The following SP3 variants were observed in gnomAD, a reference collection of about 807,000 sequenced individuals.
SP3 encodes the protein Sp3 transcription factor, also known as transcription factor Sp3.
A neutral mutation model predicts 70.3 loss-of-function variants in SP3; 10 were observed. That is an observed-to-expected ratio of 0.14 (90% confidence interval 0.09 to 0.24). SP3 has a LOEUF of 0.24. SP3 is among the 10% of genes least tolerant of loss of function. The probability of loss-of-function intolerance (pLI) is 1.00; values close to 1 mark genes in which losing one functional copy is unlikely to be tolerated. For missense variants in SP3, 825 were observed against 914.6 expected (o/e 0.90, Z 1.26); for synonymous variants, 402 against 333.5 (o/e 1.21, Z -2.24).
At chr2:173,964,362 C>A (rs1465463778) in intron 2 of SP3, 43 bp downstream of exon 2, 5 of 652,826 alleles carry the variant, frequency 7.7e-6, no homozygotes, top group African/African-American at 2.0e-5. Flanking sequence ...GAGGAGAAAG[C>A]GGCGCGAGGG....
chr2:173,964,372 G>T (rs765706027), intron 2 of SP3, 33 bp downstream of exon 2: 7 of 676,774 alleles, frequency 1.0e-5, no homozygotes, highest in Non-Finnish European at 1.6e-5. Context: ...CGGCGCGAGG[G>T]GGGAGCCGGG....
In SP3 at chr2:173,946,242, A is replaced by T. The variant is rs144657776; in HGVS notation, c.1639+8631T>A. Among the ~76,000 whole-genome samples the T allele has an allele frequency of 3.2e-3, 488 of 152,234 alleles. 2 individuals are homozygous for T. Among genetic ancestry groups the T allele is most frequent in the African/African-American group, 0.011 (456 of 41,558 alleles). On this transcript the variant is annotated intron_variant, in intron 4 of 6. Transcript: ENST00000310015. ...ATTGCTAAAGCTGGGAAAGGGGTAC[A>T]TGGAAGGTTCATTATATATTGTTTT...
chr2:173,936,583 T>C (rs1690217036), intron 4 of SP3, among the ~76,000 whole-genome samples: 1 of 152,174 alleles, frequency 6.6e-6, no homozygotes, highest in Non-Finnish European at 1.5e-5. Flanking sequence ...TTTCCCAAAG[T>C]AGTTCCTCAC....
intron 4 of SP3, among the ~76,000 whole-genome samples, chr2:173,936,320 C>T (rs1395474878): frequency 2.6e-5 from 4 of 152,046 alleles, no homozygotes; most frequent in African/African-American, 7.2e-5. Flanking sequence ...TGCCTGGCCC[C>T]GCTCCTACCT....
rs1690874351 is a variant in SP3 at position 173,955,926 on chromosome 2, C to T, written c.586G>A (p.Gly196Ser). 2 of 1,614,090 alleles carry T rather than the reference C, an allele frequency of 1.2e-6. No individual in the cohort carries two copies. The highest frequency in any genetic ancestry group is 1.7e-5 in the Admixed American group (1 of 60,006). ...IGFTGSSDNG[G>S]INQESSQIQI... ...ATTTGACTGCTTTCTTGATTTATAC[C>T]CCCATTATCTGAAGAGCCTGTGAAA... Residue 196 changes from glycine (G) to serine (S), a missense_variant, in exon 4 of 7, where the codon GGT becomes AGT. Physicochemically the swap from Gly to Ser is moderately conservative, Grantham distance 56 (BLOSUM62 0). This residue lies in a region of SP3 where 678 missense variants were observed against 651.6 expected (regional missense o/e 1.04). Transcript: ENST00000310015.
intron 3 of SP3, among the ~76,000 whole-genome samples, chr2:173,958,515 C>T (rs1280220068): frequency 1.3e-5 from 2 of 150,466 alleles, no homozygotes; most frequent in African/African-American, 2.4e-5. Flanking sequence ...TGATGTATTC[C>T]GAACTTTTCT....
intron 5 of SP3, chr2:173,916,354 T>C (rs2105457454): frequency 6.6e-6 from 1 of 152,184 alleles, no homozygotes; most frequent in Admixed American, 6.5e-5. Flanking sequence ...TTTAATTTTT[T>C]GTGCTTAAAA....
chr2:173,906,268 G>A lies in SP3; in HGVS notation c.*3673C>T, dbSNP rs938128355. On this transcript the variant is annotated 3_prime_UTR_variant, in exon 7 of 7. Coordinates refer to ENST00000310015, the MANE Select transcript of SP3 (RefSeq NM_003111.5). ...TAGGTTTCTACAGTACTTTGTTTCT[G>A]CCACTAATATATATATTTACATTAT... Among the ~76,000 whole-genome samples, 1 of 152,030 alleles carries A rather than the reference G, an allele frequency of 6.6e-6. No individual in the cohort carries two copies. Among genetic ancestry groups the A allele is most frequent in the African/African-American group, 2.4e-5 (1 of 41,386 alleles).
chr2:173,928,673 G>A (rs1325645204), intron 4 of SP3, among the ~76,000 whole-genome samples: 2 of 152,138 alleles, frequency 1.3e-5, no homozygotes, highest in Non-Finnish European at 1.5e-5. Context: ...TTATTTACAA[G>A]CTTCATTGTT....
intron 4 of SP3, among the ~76,000 whole-genome samples, chr2:173,936,994 C>G (rs895468877): frequency 3.9e-5 from 6 of 152,082 alleles, no homozygotes; most frequent in Admixed American, 3.9e-4. Flanking sequence ...ATTTATATTG[C>G]AGATCACACA....
intron 5 of SP3, chr2:173,913,952 CAA>C (rs982296643): frequency 3.3e-5 from 5 of 152,124 alleles, no homozygotes; most frequent in East Asian, 1.9e-4. Context: ...AAATTAGACA[CAA>C]GAGATATAAT....
At chr2:173,939,114 G>A (rs185827727) in intron 4 of SP3, among the ~76,000 whole-genome samples, 175 of 152,284 alleles carry the variant, frequency 1.1e-3, no homozygotes, top group Non-Finnish European at 1.9e-3. Flanking sequence ...TAGATTATGA[G>A]CACCTTTAGT....
intron 4 of SP3, 146 bp downstream of exon 4, chr2:173,954,727 T>A: frequency 1.4e-6 from 1 of 736,996 alleles, no homozygotes; most frequent in South Asian, 2.2e-5. Context: ...TACTTTGATG[T>A]CTACTTTCAT....
intron 2 of SP3, 29 bp from the exon 3 acceptor site, chr2:173,963,912 G>C (rs1326879733): frequency 2.1e-6 from 3 of 1,427,744 alleles, no homozygotes; most frequent in African/African-American, 1.5e-5. Context: ...TTCAGAGAGG[G>C]AGACAGGGGG....
At chr2:173,960,931 G>A (rs113984369) in intron 3 of SP3, among the ~76,000 whole-genome samples, 6,953 of 152,114 alleles carry the variant, frequency 0.046, 307 homozygotes, top group African/African-American at 0.11. Context: ...AGCCGAGATC[G>A]CGCCACTGCA....
intron 4 of SP3, among the ~76,000 whole-genome samples, chr2:173,922,160 T>C (rs1689773471): frequency 1.3e-5 from 2 of 152,092 alleles, no homozygotes; most frequent in African/African-American, 4.8e-5. Flanking sequence ...GCTAAGGTAT[T>C]GAGGAGGAGG....
Position 173,904,930 on chromosome 2 carries a change from C to CG in SP3, c.*5010_*5011insC, listed in dbSNP as rs1689273909. ...TCTTAAAAACCACTTCAGTGCTAGA[C>CG]TTTATCTTTCAGTCGCAATGAACCT... On this transcript the variant is annotated 3_prime_UTR_variant, in exon 7 of 7. Coordinates refer to ENST00000310015, the MANE Select transcript of SP3 (RefSeq NM_003111.5). Among the ~76,000 whole-genome samples, 1 of 152,178 alleles carries CG rather than the reference C, an allele frequency of 6.6e-6. No individual in the cohort carries two copies. The highest frequency in any genetic ancestry group is 1.5e-5 in the Non-Finnish European group (1 of 68,034).
chr2:173,914,867 T>A (rs1574397607), intron 5 of SP3: 1 of 152,286 alleles, frequency 6.6e-6, no homozygotes, highest in East Asian at 1.9e-4. Flanking sequence ...TTTATTTTAT[T>A]ATTTAAAAAT....
At position 173,903,997 on chromosome 2, in the gene SP3, C is replaced by T. The variant is rs1311368617; in HGVS notation, c.*5944G>A. Among the ~76,000 whole-genome samples, 3 of 41,430 alleles carry T rather than the reference C, an allele frequency of 7.2e-5. No homozygotes were observed. Among genetic ancestry groups the T allele is most frequent in the South Asian group, 8.1e-4 (1 of 1,242 alleles). The allele number at this position is 41,430 out of a possible 152,430, so 27.2% of individuals were successfully genotyped here. ...AGACAATTTTTTCATGGATGGGGGT[C>T]GGGGGGTGGGGATGGTTGTAGGATG... On this transcript the variant is annotated 3_prime_UTR_variant, in exon 7 of 7. Transcript: ENST00000310015.
Sources: gnomAD v4.1 joint callset for allele counts (sites outside exome capture counted in the v4.1 genomes callset) on GRCh38, gnomAD v4.1.1 for gene constraint, gnomAD v4.1.1 regional missense constraint, MANE v1.5 for transcripts, NCBI Gene and HGNC (gene_info 2026-07-23, HGNC 2026-07-21) for gene names.